Variants in MEGF10 observed in about 807,000 individuals in gnomAD.
The protein encoded by MEGF10 is multiple EGF like domains 10, also known as multiple epidermal growth factor-like domains protein 10.
Under a neutral mutation model 147.5 loss-of-function variants are expected in MEGF10, and 86 were observed. That is an observed-to-expected ratio of 0.58 (90% CI 0.49 to 0.70). The LOEUF (loss-of-function observed/expected upper bound fraction) is 0.70. Among genes scored for constraint, MEGF10 ranks in the 30% least tolerant of loss-of-function variants. MEGF10 has a pLI of 0.00. For synonymous variants in MEGF10, 478 were observed against 525.5 expected, an observed-to-expected ratio of 0.91 and a Z score of 1.24; for missense variants, 1,329 against 1,487.3, an observed-to-expected ratio of 0.89 and a Z score of 1.75.
chr5:127,453,921 G>T (rs76107562), intron 22 of MEGF10, among the ~76,000 whole-genome samples: 1 of 152,136 alleles, frequency 6.6e-6, no homozygotes, highest in African/African-American at 2.4e-5. Flanking sequence ...AGCATGAGCC[G>T]GAACACTCCT....
intron 7 of MEGF10, among the ~76,000 whole-genome samples, chr5:127,399,247 T>C (rs1209371383): frequency 6.6e-6 from 1 of 152,190 alleles, no homozygotes; most frequent in Non-Finnish European, 1.5e-5. Flanking sequence ...TACATTGAGG[T>C]AAACCACATT....
chr5:127,278,958 A>T, the MEGF10 span, among the ~76,000 whole-genome samples: 1 of 152,210 alleles, frequency 6.6e-6, no homozygotes, highest in Non-Finnish European at 1.5e-5. Flanking sequence ...ATTTAGAGTG[A>T]TGCTCATTAA....
At chr5:127,387,646 G>A (rs1220379196) in intron 5 of MEGF10, among the ~76,000 whole-genome samples, 2 of 152,296 alleles carry the variant, frequency 1.3e-5, no homozygotes, top group African/African-American at 4.8e-5. Flanking sequence ...ATGGATTTGG[G>A]TTGAACCCTT....
chr5:127,247,467 G>GAAGAAGAAGAAGAACAAGAAGAAGAAC, the MEGF10 span, among the ~76,000 whole-genome samples: 2 of 117,140 alleles, frequency 1.7e-5, 1 homozygote, highest in Non-Finnish European at 3.4e-5. Flanking sequence ...AGAAGAAGAA[G>GAAGAAGAAGAAGAACAAGAAGAAGAAC]AAGAAGAAGA....
At chr5:127,447,013 T>C (rs1484283888) in intron 20 of MEGF10, among the ~76,000 whole-genome samples, 2 of 152,148 alleles carry the variant, frequency 1.3e-5, no homozygotes, top group Non-Finnish European at 2.9e-5. Flanking sequence ...AATTGGTTCT[T>C]TCAGTTTCAC....
Position 127,433,472 on chromosome 5 carries a change from G to A in MEGF10, c.1803G>A (p.Glu601=), listed in dbSNP as rs751580282. 6.2e-7 allele frequency: 1 copy of A among 1,613,214 alleles called. No individual in the cohort carries two copies. The change falls in exon 14 of 25, where the codon GAG becomes GAA. Residue 601 remains glutamate (E), a synonymous_variant. Coordinates refer to ENST00000503335, the MANE Select transcript of MEGF10 (RefSeq NM_001256545.2). ...ASCSPDDGIC[E]CAPGFRGTTC... The stretch of plus-strand genomic sequence containing the variant: ...GCTCCCCTGATGATGGCATCTGCGA[G>A]TGTGCACCAGGCTTCCGAGGCACCA...
chr5:127,454,659 T>G (rs1766289543), intron 23 of MEGF10, 49 bp downstream of exon 23: 1 of 1,528,900 alleles, frequency 6.5e-7, no homozygotes, highest in Non-Finnish European at 8.9e-7. Context: ...TAAATTTTTT[T>G]TAACCTCAAA....
At chr5:127,371,759 A>G (rs1762859230) in intron 5 of MEGF10, among the ~76,000 whole-genome samples, 1 of 152,202 alleles carries the variant, frequency 6.6e-6, no homozygotes, top group Non-Finnish European at 1.5e-5. Flanking sequence ...TTGGAGTTTA[A>G]TGAAGACTCT....
rs373163952 is a variant in MEGF10 at position 127,396,715 on chromosome 5, A to G, written c.596A>G (p.Asn199Ser). The G allele has an allele frequency of 2.5e-5, 40 of 1,614,074 alleles. No individual in the cohort carries two copies. In the African/African-American group the frequency reaches 4.0e-4, roughly 16 times the overall value. ...NDCHQRCQCQNGATCDHVTGE... is the reference protein window; with the variant it reads ...NDCHQRCQCQSGATCDHVTGE... ...TGTCATCAGAGATGCCAGTGCCAGA[A>G]TGGAGCCACCTGCGACCACGTCACG... The change falls in exon 6 of 25, where the codon AAT becomes AGT. Residue 199 changes from asparagine (N) to serine (S), a missense_variant. Physicochemically the swap from Asn to Ser is conservative, Grantham distance 46. Transcript: ENST00000503335.
chr5:127,450,716 T>G (rs761064879), intron 22 of MEGF10, among the ~76,000 whole-genome samples: 39 of 152,108 alleles, frequency 2.6e-4, no homozygotes, highest in Non-Finnish European at 5.1e-4. Context: ...ATAACTGACC[T>G]TTGTGTATTT....
At chr5:127,286,445 A>G (rs1449495221), upstream of MEGF10, among the ~76,000 whole-genome samples, 1 of 152,088 alleles carries the variant, frequency 6.6e-6, no homozygotes, top group African/African-American at 2.4e-5. Flanking sequence ...TTATGTATCA[A>G]TAAAACAAAT....
At chr5:127,239,775 G>A in the MEGF10 span, among the ~76,000 whole-genome samples, 1 of 151,890 alleles carries the variant, frequency 6.6e-6, no homozygotes, top group African/African-American at 2.4e-5. Context: ...TGAGATTTTT[G>A]CCCAATAAAG....
intron 24 of MEGF10, 100 bp downstream of exon 24, chr5:127,455,707 T>C (rs1425154349): frequency 2.6e-5 from 23 of 880,220 alleles, no homozygotes; most frequent in East Asian, 5.4e-5. Context: ...AGAAATCTTA[T>C]TGAAAATAAT....
the MEGF10 span, among the ~76,000 whole-genome samples, chr5:127,275,181 T>C: frequency 6.6e-6 from 1 of 152,236 alleles, no homozygotes; most frequent in African/African-American, 2.4e-5. Flanking sequence ...TTAAAGTATA[T>C]GTTTATTGCC....
At chr5:127,344,302 G>T (rs561852821) in intron 4 of MEGF10, among the ~76,000 whole-genome samples, 1 of 152,196 alleles carries the variant, frequency 6.6e-6, no homozygotes, top group East Asian at 1.9e-4. Flanking sequence ...AATTTATTGT[G>T]TGCTTACTAC....
chr5:127,442,817 G>C (rs1399807726), intron 18 of MEGF10, among the ~76,000 whole-genome samples, 181 bp from the exon 19 acceptor site: 1 of 152,184 alleles, frequency 6.6e-6, no homozygotes, highest in African/African-American at 2.4e-5. Flanking sequence ...AGTCTGGACT[G>C]TGAGTGCCAC....
chr5:127,239,775 G>T, the MEGF10 span, among the ~76,000 whole-genome samples: 12 of 151,890 alleles, frequency 7.9e-5, no homozygotes, highest in Admixed American at 5.2e-4. Flanking sequence ...TGAGATTTTT[G>T]CCCAATAAAG....
intron 13 of MEGF10, among the ~76,000 whole-genome samples, chr5:127,430,252 G>T (rs973657364): frequency 6.6e-6 from 1 of 152,112 alleles, no homozygotes; most frequent in Non-Finnish European, 1.5e-5. Context: ...GCTGAGTTGG[G>T]TTTCCTTTTC....
chr5:127,296,661 T>A (rs1483025194), intron 1 of MEGF10, among the ~76,000 whole-genome samples: 1 of 152,210 alleles, frequency 6.6e-6, no homozygotes, highest in South Asian at 2.1e-4. Context: ...ATGGATCTTT[T>A]GAATACCTTC....
Sources: gnomAD v4.1 joint callset for allele counts (sites outside exome capture counted in the v4.1 genomes callset) on GRCh38, gnomAD v4.1.1 for gene constraint, MANE v1.5 for transcripts, NCBI Gene and HGNC (gene_info 2026-07-23, HGNC 2026-07-21) for gene names.